Variants in ARK2C observed in about 807,000 individuals in gnomAD.
The protein encoded by ARK2C is E3 ubiquitin-protein ligase ARK2C.
chr18:46,421,152 T>C, the ARK2C span, among the ~76,000 whole-genome samples: 1 of 152,354 alleles, frequency 6.6e-6, no homozygotes, highest in Non-Finnish European at 1.5e-5. Context: ...GACCTGCAAC[T>C]GGGCCCCTAT....
the ARK2C span, among the ~76,000 whole-genome samples, chr18:46,391,597 A>T: frequency 6.6e-6 from 1 of 151,978 alleles, no homozygotes; most frequent in Non-Finnish European, 1.5e-5. Flanking sequence ...TTGCACAGCC[A>T]GGCTTTCCCA....
chr18:46,334,483 G>A, the ARK2C span: 5 of 632,582 alleles, frequency 7.9e-6, no homozygotes, highest in Non-Finnish European at 1.2e-5. The surrounding 1 kb of genome is among the most constrained non-coding windows in gnomAD (Gnocchi z 4.4). Flanking sequence ...CCATTTTAGG[G>A]GGACCCCCGA....
chr18:46,351,873 C>A, the ARK2C span, among the ~76,000 whole-genome samples: 1 of 152,166 alleles, frequency 6.6e-6, no homozygotes, highest in African/African-American at 2.4e-5. Context: ...AACGGTAAAT[C>A]TATTGGTGTG....
the ARK2C span, chr18:46,336,054 G>A: frequency 1.0e-6 from 1 of 985,234 alleles, no homozygotes; most frequent in Non-Finnish European, 1.2e-6. Flanking sequence ...TGGGGGTGAG[G>A]GGGAGTGGGT....
the ARK2C span, among the ~76,000 whole-genome samples, chr18:46,344,864 T>TG: frequency 6.6e-6 from 1 of 152,334 alleles, no homozygotes; most frequent in South Asian, 2.1e-4. Flanking sequence ...GGCCAGAGCC[T>TG]TGGCTTGGTT....
chr18:46,383,304 A>G, the ARK2C span, among the ~76,000 whole-genome samples: 61 of 152,358 alleles, frequency 4.0e-4, no homozygotes, highest in African/African-American at 1.5e-3. Context: ...TTTTCTACAA[A>G]TATCTAGTGA....
At chr18:46,411,839 T>C in the ARK2C span, among the ~76,000 whole-genome samples, 16 of 152,268 alleles carry the variant, frequency 1.1e-4, no homozygotes, top group Non-Finnish European at 1.8e-4. Flanking sequence ...GGCTGAGCCG[T>C]GTATGTGTGA....
the ARK2C span, among the ~76,000 whole-genome samples, chr18:46,405,038 A>C: frequency 6.6e-6 from 1 of 152,164 alleles, no homozygotes; most frequent in Non-Finnish European, 1.5e-5. Flanking sequence ...TGATATGGCA[A>C]GACCCCACCA....
chr18:46,397,453 GGTGT>G, the ARK2C span, among the ~76,000 whole-genome samples: 9 of 118,942 alleles, frequency 7.6e-5, no homozygotes, highest in African/African-American at 2.0e-4. Context: ...GGTGTGAGGG[GGTGT>G]GTGTGTGTGT....
At chr18:46,385,110 G>A in the ARK2C span, among the ~76,000 whole-genome samples, 4 of 152,280 alleles carry the variant, frequency 2.6e-5, no homozygotes, top group East Asian at 1.9e-4. Context: ...CAACTCTGGC[G>A]TATATTCTCA....
chr18:46,403,232 C>A, the ARK2C span, among the ~76,000 whole-genome samples: 1 of 152,144 alleles, frequency 6.6e-6, no homozygotes. Flanking sequence ...AAATGTCCAT[C>A]TCTCCCAGAC....
At chr18:46,368,565 T>C in the ARK2C span, among the ~76,000 whole-genome samples, 1 of 152,236 alleles carries the variant, frequency 6.6e-6, no homozygotes, top group East Asian at 1.9e-4. Context: ...GGAAAGCCAG[T>C]TGGACCTTCT....
the ARK2C span, among the ~76,000 whole-genome samples, chr18:46,394,603 T>C: frequency 3.9e-5 from 6 of 152,222 alleles, no homozygotes; most frequent in Non-Finnish European, 7.3e-5. Flanking sequence ...AGGCCCAGAT[T>C]GGGCAAATGG....
At chr18:46,411,022 C>T in the ARK2C span, among the ~76,000 whole-genome samples, 1 of 152,202 alleles carries the variant, frequency 6.6e-6, no homozygotes, top group Non-Finnish European at 1.5e-5. Context: ...AGATGAGCCT[C>T]CCAAAGTGAA....
the ARK2C span, among the ~76,000 whole-genome samples, chr18:46,378,594 G>T: frequency 6.6e-6 from 1 of 152,186 alleles, no homozygotes; most frequent in Non-Finnish European, 1.5e-5. Context: ...TTTCATTTAG[G>T]ATGAGGCCAG....
chr18:46,413,212 G>T, the ARK2C span, among the ~76,000 whole-genome samples: 4 of 152,100 alleles, frequency 2.6e-5, no homozygotes, highest in African/African-American at 9.7e-5. Context: ...AAGGCAGCCT[G>T]CCCCGACCCG....
the ARK2C span, among the ~76,000 whole-genome samples, chr18:46,362,448 C>G: frequency 1.3e-5 from 2 of 152,188 alleles, no homozygotes; most frequent in East Asian, 3.9e-4. Flanking sequence ...GTGTGCGCGC[C>G]CCAAGGGGTT....
At chr18:46,420,548 A>G in the ARK2C span, among the ~76,000 whole-genome samples, 2 of 152,166 alleles carry the variant, frequency 1.3e-5, no homozygotes, top group African/African-American at 2.4e-5. Flanking sequence ...ATGTCTTGAA[A>G]GTTATTGGGG....
chr18:46,395,376 C>T, the ARK2C span, among the ~76,000 whole-genome samples: 7 of 152,232 alleles, frequency 4.6e-5, no homozygotes, highest in African/African-American at 7.2e-5. Context: ...GGGGCTGTTC[C>T]GTGCTTTGTT....
Sources: gnomAD v4.1 joint callset for allele counts (sites outside exome capture counted in the v4.1 genomes callset) on GRCh38, gnomAD v4.1.1 for gene constraint, Gnocchi (gnomAD v3.1) non-coding constraint, MANE v1.5 for transcripts, NCBI Gene and HGNC (gene_info 2026-07-23, HGNC 2026-07-21) for gene names.